Variants in BRWD3 observed in about 807,000 individuals in gnomAD.
BRWD3 encodes bromodomain and WD repeat-containing protein 3.
In BRWD3, 10 loss-of-function variants were observed where a neutral mutation model predicts 149.7. That is an observed-to-expected ratio of 0.07 (90% CI 0.04 to 0.11). BRWD3 has a LOEUF of 0.11. Ranked by LOEUF, BRWD3 falls within the 10% of genes least tolerant of loss-of-function variation. The probability of loss-of-function intolerance (pLI) is 1.00; values close to 1 mark genes in which losing one functional copy is unlikely to be tolerated. For synonymous variants in BRWD3, 504 were observed against 456.7 expected (o/e 1.10, Z -1.32); for missense variants, 940 against 1,373.2 (o/e 0.68, Z 4.99).
intron 6 of BRWD3, among the ~76,000 whole-genome samples, chrX:80,760,857 A>T (rs1335131127): frequency 2.7e-5 from 3 of 111,794 alleles, no homozygotes; most frequent in Non-Finnish European, 5.6e-5. Flanking sequence ...GGCCAGTGTG[A>T]TACAAGATGT....
intron 23 of BRWD3, 107 bp downstream of exon 23, chrX:80,704,571 T>C (rs1213679577): frequency 2.5e-6 from 2 of 804,094 alleles, no homozygotes; most frequent in Admixed American, 6.8e-5. Context: ...CTTTCTCAGA[T>C]GAAATGTTAT....
At chrX:80,795,088 C>T (rs1420581543) in intron 4 of BRWD3, among the ~76,000 whole-genome samples, 1 of 110,819 alleles carries the variant, frequency 9.0e-6, no homozygotes, top group Non-Finnish European at 1.9e-5. Flanking sequence ...AAAACAAGTA[C>T]AATTCTGGAC....
At chrX:80,741,162 C>T (rs749280645) in intron 8 of BRWD3, among the ~76,000 whole-genome samples, 160 of 109,969 alleles carry the variant, frequency 1.5e-3, no homozygotes, top group African/African-American at 4.9e-3. Flanking sequence ...ATGCGGTGTT[C>T]GGTTTTTTGT....
intron 8 of BRWD3, among the ~76,000 whole-genome samples, chrX:80,736,685 G>A (rs1160472999): frequency 1.0e-5 from 1 of 99,877 alleles, no homozygotes; most frequent in African/African-American, 3.7e-5. Context: ...GTGGGAAAAC[G>A]GAGATCAAGT....
rs1179025715 is a variant in BRWD3, at chrX:80,669,824, A to G, written c.*6785T>C. ...TAGTCACCTAAATTAAAGAATTTAA[A>G]ATGTTTTTATTTCTTCATATATTTA... is the stretch of plus-strand genomic sequence containing the variant. On this transcript the variant is annotated 3_prime_UTR_variant, in exon 41 of 41. Coordinates refer to ENST00000373275, the MANE Select transcript of BRWD3 (RefSeq NM_153252.5). Among the ~76,000 whole-genome samples the G allele has an allele frequency of 9.0e-6, 1 of 111,526 alleles. No individual in the cohort carries two copies. The highest frequency in any genetic ancestry group is 3.2e-5 in the African/African-American group (1 of 30,791).
chrX:80,807,294 T>C (rs181284305), intron 4 of BRWD3, among the ~76,000 whole-genome samples: 2 of 112,042 alleles, frequency 1.8e-5, no homozygotes, highest in East Asian at 5.6e-4. Flanking sequence ...AATTATACCA[T>C]TTTCTGTGAT....
At chrX:80,757,834 T>TA (rs1407688033) in intron 6 of BRWD3, among the ~76,000 whole-genome samples, 1 of 112,476 alleles carries the variant, frequency 8.9e-6, no homozygotes, top group Non-Finnish European at 1.9e-5. Flanking sequence ...CTGCTTTCTT[T>TA]AAAGCATAAC....
intron 20 of BRWD3, among the ~76,000 whole-genome samples, chrX:80,712,730 T>C (rs1226939020): frequency 3.7e-5 from 4 of 108,625 alleles, no homozygotes; most frequent in Non-Finnish European, 7.7e-5. Context: ...CCGCCCATCG[T>C]CTGAGATGTG....
At chrX:80,734,771 A>G (rs1359891564) in intron 10 of BRWD3, among the ~76,000 whole-genome samples, 1 of 111,396 alleles carries the variant, frequency 9.0e-6, no homozygotes, top group Non-Finnish European at 1.9e-5. Context: ...GCACTGTAAA[A>G]GTGTTTTCAA....
At chrX:80,723,631 C>A in intron 16 of BRWD3, 117 bp downstream of exon 16, 3 of 808,630 alleles carry the variant, frequency 3.7e-6, no homozygotes, top group South Asian at 2.4e-5. Flanking sequence ...AGACAACTTT[C>A]TTTTATTTTG....
At chrX:80,685,786 A>G (rs1443622583) in intron 35 of BRWD3, among the ~76,000 whole-genome samples, 1 of 111,948 alleles carries the variant, frequency 8.9e-6, no homozygotes, top group Non-Finnish European at 1.9e-5. Context: ...CCTTACTTGA[A>G]TGATATTTTT....
rs941706370 is a variant in BRWD3 at position 80,672,832 on chromosome X, A to G, written c.*3777T>C. Reference sequence around the variant, plus strand: ...TTTAAAAGGCTGGACAGCAAAGTATACTGAAAATTATATATGATGCAAGTC... The same window carrying G: ...TTTAAAAGGCTGGACAGCAAAGTATGCTGAAAATTATATATGATGCAAGTC... On this transcript the variant is annotated 3_prime_UTR_variant, in exon 41 of 41. Coordinates refer to ENST00000373275, the MANE Select transcript of BRWD3 (RefSeq NM_153252.5). The G allele has an allele frequency of 1.8e-5, 2 of 111,947 alleles. No individual in the cohort carries two copies. Among genetic ancestry groups the G allele is most frequent in the African/African-American group, 6.5e-5 (2 of 30,776 alleles). 9.2% of individuals were successfully genotyped at this position (111,947 alleles called of 1,213,427 possible).
In BRWD3 at chrX:80,674,983, A is replaced by G. The variant is rs2072350828; in HGVS notation, c.*1626T>C. 1 of 111,896 alleles carries G rather than the reference A, an allele frequency of 8.9e-6. No homozygotes were observed. Among genetic ancestry groups the G allele is most frequent in the African/African-American group, 3.2e-5 (1 of 30,811 alleles). 9.2% of individuals were successfully genotyped at this position (111,896 alleles called of 1,213,427 possible). ...CTGGGATAGCTAGGTATATACTAAG[A>G]AGTCTGTTTTATCCCATGAGCCTGA... On this transcript the variant is annotated 3_prime_UTR_variant, in exon 41 of 41. Coordinates refer to ENST00000373275, the MANE Select transcript of BRWD3 (RefSeq NM_153252.5).
intron 4 of BRWD3, among the ~76,000 whole-genome samples, chrX:80,801,438 G>T (rs1477530412): frequency 2.8e-5 from 3 of 106,290 alleles, no homozygotes; most frequent in African/African-American, 1.0e-4. Context: ...GGCTGGTCTT[G>T]AACTCCTGAC....
intron 10 of BRWD3, among the ~76,000 whole-genome samples, chrX:80,734,740 G>A (rs141263475): frequency 0.015 from 1,619 of 110,535 alleles, 14 homozygotes; most frequent in Non-Finnish European, 0.022. Context: ...AACTAATGTA[G>A]GATTCTTAGC....
At position 80,809,528 on chromosome X, in the gene BRWD3, G is replaced by T. The variant is rs953729296; in HGVS notation, c.-57C>A. ...CCGGAGGGGCTGGCGGGGGCGGGTG[G>T]GGGCGCTGCCTCTATTGTGGTGAAG... On this transcript the variant is annotated 5_prime_UTR_variant, in exon 1 of 41. Coordinates refer to ENST00000373275, the MANE Select transcript of BRWD3 (RefSeq NM_153252.5). 3 of 733,134 alleles carry T rather than the reference G, an allele frequency of 4.1e-6. No individual in the cohort carries two copies. The African/African-American group carries it at 6.6e-5, about 16-fold the overall frequency. 60.4% of individuals were successfully genotyped at this position (733,134 alleles called of 1,213,427 possible).
At chrX:80,783,942 G>A (rs1344449545) in intron 6 of BRWD3, among the ~76,000 whole-genome samples, 2 of 111,095 alleles carry the variant, frequency 1.8e-5, no homozygotes, top group East Asian at 5.6e-4. Flanking sequence ...GGGAAAGAGC[G>A]GGGAAGTGGG....
chrX:80,789,075 A>C (rs1202721456), intron 6 of BRWD3, among the ~76,000 whole-genome samples: 1 of 112,123 alleles, frequency 8.9e-6, no homozygotes, highest in Non-Finnish European at 1.9e-5. Flanking sequence ...ATATCCTAAT[A>C]CAGTTGACTT....
intron 8 of BRWD3, among the ~76,000 whole-genome samples, chrX:80,736,900 A>C (rs1039557374): frequency 3.6e-5 from 4 of 111,896 alleles, no homozygotes; most frequent in African/African-American, 1.3e-4. Context: ...CTGGCATGTC[A>C]GTGAGTTTTT....
Sources: allele counts gnomAD v4.1 joint callset (sites outside exome capture counted in the v4.1 genomes callset), GRCh38; gene constraint gnomAD v4.1.1; transcripts MANE v1.5; gene names NCBI Gene and HGNC (gene_info 2026-07-23, HGNC 2026-07-21).